Variants in RYR2 observed in about 807,000 individuals in gnomAD.
The protein encoded by RYR2 is cardiac muscle ryanodine receptor-calcium release channel.
RYR2 carries 227 observed loss-of-function variants against 601.1 expected under a neutral mutation model. The ratio of observed to expected loss-of-function variants is 0.38; its 90% confidence interval spans 0.34 to 0.42. RYR2 has a LOEUF of 0.42. Ranked by LOEUF, RYR2 falls within the 10% of genes least tolerant of loss-of-function variation. The pLI, the probability that RYR2 is intolerant of heterozygous loss-of-function variation, is 1.00. For missense variants in RYR2, 4,646 were observed against 6,156.5 expected (o/e 0.75, Z 8.21); for synonymous variants, 2,223 against 2,175.1 (o/e 1.02, Z -0.61).
At chr1:237,409,310 T>C (rs1704207231) in intron 10 of RYR2, among the ~76,000 whole-genome samples, 1 of 152,100 alleles carries the variant, frequency 6.6e-6, no homozygotes, top group Non-Finnish European at 1.5e-5. Flanking sequence ...GTAGATGTTC[T>C]TTATCAACTT....
intron 1 of RYR2, among the ~76,000 whole-genome samples, chr1:237,209,612 G>A (rs1238334785): frequency 6.6e-6 from 1 of 151,832 alleles, no homozygotes; most frequent in Non-Finnish European, 1.5e-5. Context: ...CAGCACATTG[G>A]GAGGCTGAGG....
intron 15 of RYR2, among the ~76,000 whole-genome samples, chr1:237,455,586 CAG>C (rs1206094994): frequency 6.6e-6 from 1 of 152,088 alleles, no homozygotes; most frequent in African/African-American, 2.4e-5. Context: ...AGTTGTGACA[CAG>C]AGAAATAAAA....
chr1:237,468,852 C>G (rs928585347), intron 16 of RYR2, among the ~76,000 whole-genome samples: 20 of 152,180 alleles, frequency 1.3e-4, no homozygotes, highest in African/African-American at 4.3e-4. Flanking sequence ...GTGAAATTCA[C>G]TTTCCGAAAT....
chr1:237,057,310 C>T (rs528772631), intron 1 of RYR2, among the ~76,000 whole-genome samples: 14 of 152,194 alleles, frequency 9.2e-5, no homozygotes, highest in African/African-American at 3.4e-4. Context: ...CTCAGCCTCC[C>T]GAGTAGCTGG....
chr1:237,432,873 G>A (rs574749665), intron 12 of RYR2, among the ~76,000 whole-genome samples: 1 of 143,868 alleles, frequency 7.0e-6, no homozygotes, highest in African/African-American at 2.5e-5. Context: ...TACTCTTTTT[G>A]TTGTTTTTTT....
intron 10 of RYR2, among the ~76,000 whole-genome samples, chr1:237,404,841 A>G (rs990972428): frequency 6.6e-5 from 10 of 152,220 alleles, no homozygotes; most frequent in African/African-American, 2.4e-4. Context: ...TTTGAGAGGG[A>G]CTGTTTAGGA....
rs1359233766 is a variant in RYR2, at chr1:237,792,382, CGTGTGT to C, written c.13782+69_13782+74del. On this transcript the variant is annotated intron_variant, in intron 94 of 104. Transcript: ENST00000366574. Reference sequence around the variant, plus strand: ...GTGTGTGTGTGTGTGTGTGTGTGTGCGTGTGTGTGTGTGTGCGTGTGTGTGTGTGTG... The same window carrying C: ...GTGTGTGTGTGTGTGTGTGTGTGTGCGTGTGTGTGCGTGTGTGTGTGTGTG... The C allele has an allele frequency of 4.4e-4, 291 of 667,108 alleles. 3 individuals carry two copies. The African/African-American group carries it at 5.8e-3, about 13-fold the overall frequency. 41.3% of individuals were successfully genotyped at this position (667,108 alleles called of 1,614,324 possible).
chr1:237,296,132 G>C (rs1411653007), intron 2 of RYR2, among the ~76,000 whole-genome samples: 2 of 152,202 alleles, frequency 1.3e-5, no homozygotes, highest in Admixed American at 6.6e-5. Context: ...AGACCCTAAG[G>C]TGAGAATGAG....
rs1321654978 is a variant in RYR2 at position 237,434,272 on chromosome 1, T to A, written c.1006-7047T>A. On this transcript the variant is annotated intron_variant, in intron 12 of 104. Coordinates refer to ENST00000366574, the MANE Select transcript of RYR2 (RefSeq NM_001035.3). Reference sequence around the variant, plus strand: ...AGCATTTCCTCAATTGTCATTGGGGTGTCTTTGACAGTAATGTGAACATTC... The same window carrying A: ...AGCATTTCCTCAATTGTCATTGGGGAGTCTTTGACAGTAATGTGAACATTC... Among the ~76,000 whole-genome samples the A allele has an allele frequency of 1.2e-4, 18 of 152,280 alleles. No homozygotes were observed. The East Asian group carries it at 3.5e-3, about 29-fold the overall frequency.
chr1:237,119,746 C>T (rs375044487), intron 1 of RYR2, among the ~76,000 whole-genome samples: 2 of 152,176 alleles, frequency 1.3e-5, no homozygotes, highest in African/African-American at 2.4e-5. Flanking sequence ...CATTGCCTTT[C>T]GGTGCCAGGG....
chr1:237,196,888 TC>T (rs1157575236), intron 1 of RYR2, among the ~76,000 whole-genome samples: 1 of 152,196 alleles, frequency 6.6e-6, no homozygotes, highest in Non-Finnish European at 1.5e-5. Flanking sequence ...ATCGAGCCTT[TC>T]TATCCATAAA....
Position 237,623,780 on chromosome 1 carries a change from A to G in RYR2, c.5932A>G (p.Asn1978Asp). The stretch of plus-strand genomic sequence containing the variant: ...AAACTTTCAGATCAATATGCTTCTC[A>G]ATTTTAAGGATGACAAAAGTGAATG... ...PPQEQINMLL[N>D]FKDDKSECPC... is the part of the protein sequence containing the mutation. The change falls in exon 39 of 105, where the codon AAT (asparagine) becomes GAT (aspartate). Residue 1978 changes from asparagine (N) to aspartate (D), a missense_variant. This residue lies in a region of RYR2 where 170 missense variants were observed against 184.5 expected (regional missense o/e 0.92). Transcript: ENST00000366574. 6 of 1,608,618 alleles carry G rather than the reference A, an allele frequency of 3.7e-6. No homozygotes were observed. Among genetic ancestry groups the G allele is most frequent in the Non-Finnish European group, 5.1e-6 (6 of 1,175,912 alleles).
intron 1 of RYR2, among the ~76,000 whole-genome samples, chr1:237,178,775 A>T (rs901120938): frequency 1.3e-5 from 2 of 152,182 alleles, no homozygotes; most frequent in Non-Finnish European, 2.9e-5. Flanking sequence ...ATTGTACTCT[A>T]GCCTGGGTGA....
intron 3 of RYR2, among the ~76,000 whole-genome samples, chr1:237,339,624 A>G (rs1697576453): frequency 6.6e-6 from 1 of 152,166 alleles, no homozygotes; most frequent in Non-Finnish European, 1.5e-5. Flanking sequence ...TGGTTTTTAA[A>G]AAATCAGGAC....
chr1:237,571,726 A>G (rs571005714), intron 29 of RYR2, among the ~76,000 whole-genome samples: 5 of 152,340 alleles, frequency 3.3e-5, no homozygotes, highest in South Asian at 2.1e-4. Flanking sequence ...GCAGGTATGA[A>G]CATCATTTCC....
Position 237,423,227 on chromosome 1 carries a change from A to G in RYR2, c.984A>G (p.Ala328=). ...DKEKADVKST[A]FTFRSSKEKL... is the part of the protein sequence containing the mutation. The stretch of plus-strand genomic sequence containing the variant: ...AGAAAGCTGATGTAAAATCAACAGC[A>G]TTTACCTTCCGGTCTTCCAAGGTGA... Residue 328 remains alanine, a synonymous_variant, in exon 12 of 105, where the codon GCA becomes GCG. Coordinates refer to ENST00000366574, the MANE Select transcript of RYR2 (RefSeq NM_001035.3). 1.2e-6 allele frequency: 2 copies of G among 1,613,572 alleles called. No individual in the cohort carries two copies. Among genetic ancestry groups the G allele is most frequent in the Non-Finnish European group, 1.7e-6 (2 of 1,179,746 alleles).
chr1:237,593,472 A>C lies in RYR2; in HGVS notation c.4276-4A>C. On this transcript the variant is annotated splice_region_variant and splice_polypyrimidine_tract_variant and intron_variant, in intron 32 of 104. Transcript: ENST00000366574. Reference sequence around the variant, plus strand: ...GCCAATATTTGGTTCTGCTATCTTCACAGTACTATTACTCAGTGAGAATCT... The same window carrying C: ...GCCAATATTTGGTTCTGCTATCTTCCCAGTACTATTACTCAGTGAGAATCT... 1 of 1,602,882 alleles carries C rather than the reference A, an allele frequency of 6.2e-7. No individual in the cohort carries two copies. The highest frequency in any genetic ancestry group is 8.5e-7 in the Non-Finnish European group (1 of 1,175,346).
chr1:237,208,435 G>T (rs1682055452), intron 1 of RYR2, among the ~76,000 whole-genome samples: 1 of 152,204 alleles, frequency 6.6e-6, no homozygotes, highest in Non-Finnish European at 1.5e-5. Context: ...TTCCTTTGAA[G>T]AATGCTTGAG....
intron 1 of RYR2, among the ~76,000 whole-genome samples, chr1:237,202,027 G>T (rs1007887557): frequency 2.6e-5 from 4 of 152,278 alleles, no homozygotes; most frequent in Non-Finnish European, 2.9e-5. Flanking sequence ...TAAAATGTTC[G>T]TAGAGAAATG....
Sources: allele counts gnomAD v4.1 joint callset (sites outside exome capture counted in the v4.1 genomes callset), GRCh38; gene constraint gnomAD v4.1.1; regional missense constraint gnomAD v4.1.1; transcripts MANE v1.5; gene names NCBI Gene and HGNC (gene_info 2026-07-23, HGNC 2026-07-21).